Variants in UBE2Q1 observed in about 807,000 individuals in gnomAD.
UBE2Q1 encodes ubiquitin-conjugating enzyme E2 Q1.
UBE2Q1 carries 6 observed loss-of-function variants against 60.1 expected under a neutral mutation model. That is an observed-to-expected ratio of 0.10 (90% confidence interval 0.05 to 0.20). UBE2Q1 has a LOEUF of 0.20. Among genes scored for constraint, UBE2Q1 ranks in the 10% least tolerant of loss-of-function variants. The pLI, the probability that UBE2Q1 is intolerant of heterozygous loss-of-function variation, is 1.00. For synonymous variants in UBE2Q1, 226 were observed against 208.3 expected, an observed-to-expected ratio of 1.09 and a Z score of -0.73; for missense variants, 262 against 525.8, an observed-to-expected ratio of 0.50 and a Z score of 4.91.
At position 154,558,365 on chromosome 1, in the gene UBE2Q1, G is replaced by A. The variant is rs776423742; in HGVS notation, c.189C>T (p.Ser63=). The change falls in exon 1 of 13, where the codon AGC becomes AGT. Residue 63 remains serine, a synonymous_variant. Transcript: ENST00000292211. ...HRGHERFRIA[S]ACLDELSCEF... Reference sequence around the variant, plus strand: ...CGCAGCTCAGCTCGTCCAGGCAGGCGCTGGCAATGCGGAAGCGCTCGTGGC... The same window carrying A: ...CGCAGCTCAGCTCGTCCAGGCAGGCACTGGCAATGCGGAAGCGCTCGTGGC... 177 of 1,551,666 alleles carry A rather than the reference G, an allele frequency of 1.1e-4. No homozygotes were observed. Among genetic ancestry groups the A allele is most frequent in the Non-Finnish European group, 1.7e-6 (2 of 1,151,096 alleles).
At chr1:154,550,799 G>A (rs1213303797) in intron 12 of UBE2Q1, 139 bp downstream of exon 12, 2 of 1,553,820 alleles carry the variant, frequency 1.3e-6, no homozygotes, top group Admixed American at 1.9e-5. Flanking sequence ...AGTCCCTCCT[G>A]GGAGAACTGG....
At position 154,555,872 on chromosome 1, in the gene UBE2Q1, T is replaced by C. The variant is rs970276310; in HGVS notation, c.420A>G (p.Lys140=). ...AVLERLVDIK[K]GNTLLLQHLK... ...GTGGCCCCCTCACCAGAGTATTCCCTTTCTTTATGTCCACCAGCCTCTCCA... is the reference window on the plus strand; with the variant it reads ...GTGGCCCCCTCACCAGAGTATTCCCCTTCTTTATGTCCACCAGCCTCTCCA... Residue 140 remains lysine (K), a synonymous_variant, in exon 2 of 13, where the codon AAA becomes AAG. Coordinates refer to ENST00000292211, the MANE Select transcript of UBE2Q1 (RefSeq NM_017582.7). 2 of 1,614,120 alleles carry C rather than the reference T, an allele frequency of 1.2e-6. No homozygotes were observed.
At chr1:154,556,343 G>T (rs571977245) in intron 1 of UBE2Q1, among the ~76,000 whole-genome samples, 1 of 152,270 alleles carries the variant, frequency 6.6e-6, no homozygotes, top group East Asian at 1.9e-4. Flanking sequence ...AGTCCTCCAA[G>T]CTTGCTTTTC....
intron 3 of UBE2Q1, 72 bp downstream of exon 3, chr1:154,555,356 G>C: frequency 1.5e-6 from 2 of 1,290,916 alleles, no homozygotes; most frequent in African/African-American, 2.9e-5. Flanking sequence ...CTACTGATTT[G>C]TCTCAATTAT....
chr1:154,552,670 C>T, intron 6 of UBE2Q1, 66 bp downstream of exon 6: 3 of 1,565,506 alleles, frequency 1.9e-6, no homozygotes, highest in Non-Finnish European at 2.6e-6. Flanking sequence ...ACCTCTTGGG[C>T]CCCTTGCCAC....
At chr1:154,554,695 A>G in intron 4 of UBE2Q1, 40 bp downstream of exon 4, 1 of 1,607,894 alleles carries the variant, frequency 6.2e-7, no homozygotes, top group Non-Finnish European at 8.5e-7. Context: ...TGCTGACTGC[A>G]AGAGCTTCCA....
intron 1 of UBE2Q1, among the ~76,000 whole-genome samples, chr1:154,557,454 G>C (rs1439402426): frequency 2.0e-5 from 3 of 152,212 alleles, no homozygotes; most frequent in African/African-American, 7.2e-5. Context: ...GCCTAGGATG[G>C]AATGACGCTC....
At chr1:154,551,140 C>A in intron 11 of UBE2Q1, 136 bp from the exon 12 acceptor site, 6 of 1,058,984 alleles carry the variant, frequency 5.7e-6, no homozygotes, top group Non-Finnish European at 8.5e-6. Flanking sequence ...TAAGTACCCT[C>A]CACCTTCGAG....
At chr1:154,550,560 G>GA in intron 12 of UBE2Q1, 91 bp from the exon 13 acceptor site, 2 of 1,593,690 alleles carry the variant, frequency 1.3e-6, no homozygotes, top group Non-Finnish European at 1.7e-6. Context: ...CAGTGGCAGA[G>GA]ATAAGAGGAT....
In UBE2Q1 at chr1:154,553,028, G is replaced by A. The variant is rs1364176490; in HGVS notation, c.729+4C>T. ...TCACCAGCCTCTCTCTAGAAGGCAC[G>A]TACATTTAAGTAATCTTGCCTCTGG... On this transcript the variant is annotated splice_donor_region_variant and intron_variant, in intron 5 of 12. Transcript: ENST00000292211. 5 of 1,613,842 alleles carry A rather than the reference G, an allele frequency of 3.1e-6. No individual in the cohort carries two copies. The highest frequency in any genetic ancestry group is 1.7e-5 in the Admixed American group (1 of 59,928).
chr1:154,557,337 A>G (rs768243641), intron 1 of UBE2Q1, among the ~76,000 whole-genome samples: 14 of 152,372 alleles, frequency 9.2e-5, no homozygotes, highest in Admixed American at 3.3e-4. Flanking sequence ...ATCAACCAAT[A>G]TAAGTGCTAT....
intron 6 of UBE2Q1, 53 bp downstream of exon 6, chr1:154,552,683 T>G: frequency 6.3e-7 from 1 of 1,590,702 alleles, no homozygotes; most frequent in Non-Finnish European, 8.6e-7. Context: ...CTTGCCACCA[T>G]ACCCTTCTTT....
chr1:154,551,283 C>A, intron 11 of UBE2Q1, 114 bp downstream of exon 11: 1 of 1,164,530 alleles, frequency 8.6e-7, no homozygotes, highest in African/African-American at 1.5e-5. Flanking sequence ...TCCAATGCCA[C>A]CAGCCCGGGG....
At chr1:154,551,661 G>A in intron 10 of UBE2Q1, 110 bp downstream of exon 10, 1 of 1,525,282 alleles carries the variant, frequency 6.6e-7, no homozygotes, top group Non-Finnish European at 9.1e-7. Context: ...CAGCCCAGCA[G>A]AATGAAAGGG....
At chr1:154,554,904 C>T (rs1304387381) in intron 3 of UBE2Q1, 119 bp from the exon 4 acceptor site, 8 of 993,712 alleles carry the variant, frequency 8.1e-6, no homozygotes, top group Non-Finnish European at 1.2e-5. Context: ...GTAATGCTGC[C>T]AGTCTCTCCA....
intron 3 of UBE2Q1, 101 bp from the exon 4 acceptor site, chr1:154,554,886 G>A (rs1571009887): frequency 4.8e-6 from 6 of 1,245,186 alleles, no homozygotes; most frequent in African/African-American, 3.0e-5. Context: ...GAAGTTGTGC[G>A]CCTGCCTGTA....
At chr1:154,556,926 G>A (rs1165591814) in intron 1 of UBE2Q1, among the ~76,000 whole-genome samples, 2 of 152,178 alleles carry the variant, frequency 1.3e-5, no homozygotes, top group Non-Finnish European at 2.9e-5. Flanking sequence ...CCTCTACTGG[G>A]TATCTTAGCA....
In UBE2Q1 at chr1:154,558,612, G is replaced by GCGCCGC. The variant is rs1486825151; in HGVS notation, c.-60_-59insGCGGCG. On this transcript the variant is annotated 5_prime_UTR_variant, in exon 1 of 13. Coordinates refer to ENST00000292211, the MANE Select transcript of UBE2Q1 (RefSeq NM_017582.7). ...CGGGAGCCTCCGGCCTGCGCTCCGG[G>GCGCCGC]CTCCGCCGCCGCCGCCGCCGCCGCC... 1 of 946,212 alleles carries GCGCCGC rather than the reference G, an allele frequency of 1.1e-6. No individual in the cohort carries two copies. Among genetic ancestry groups the GCGCCGC allele is most frequent in the Non-Finnish European group, 1.2e-6 (1 of 824,332 alleles). 58.6% of individuals were successfully genotyped at this position (946,212 alleles called of 1,614,324 possible).
At chr1:154,555,687 T>C (rs552817155) in intron 2 of UBE2Q1, among the ~76,000 whole-genome samples, 155 bp from the exon 3 acceptor site, 1 of 151,988 alleles carries the variant, frequency 6.6e-6, no homozygotes, top group Non-Finnish European at 1.5e-5. Flanking sequence ...GATGGACCAA[T>C]CCCAGGGCCG....
Sources: allele counts gnomAD v4.1 joint callset (sites outside exome capture counted in the v4.1 genomes callset), GRCh38; gene constraint gnomAD v4.1.1; transcripts MANE v1.5; gene names NCBI Gene and HGNC (gene_info 2026-07-23, HGNC 2026-07-21).